NEDD9: variants seen among roughly 807,000 people sequenced by gnomAD.
NEDD9 encodes the protein neural precursor cell expressed, developmentally down-regulated 9, also known as enhancer of filamentation 1.
In NEDD9, 26 loss-of-function variants were observed where a neutral mutation model predicts 76.6. That is an observed-to-expected ratio of 0.34 (90% CI 0.25 to 0.47). NEDD9 has a LOEUF of 0.47. NEDD9 is among the 20% of genes least tolerant of loss of function. The pLI, the probability that NEDD9 is intolerant of heterozygous loss-of-function variation, is 1.00. For synonymous variants in NEDD9, 392 were observed against 414.2 expected (o/e 0.95, Z 0.65); for missense variants, 937 against 1,058.5 (o/e 0.89, Z 1.59).
intron 3 of NEDD9, among the ~76,000 whole-genome samples, chr6:11,300,875 A>T (rs1761029345): frequency 1.3e-5 from 2 of 152,366 alleles, no homozygotes; most frequent in Non-Finnish European, 2.9e-5. Context: ...AGCACTAAGC[A>T]TGGAAAGGAA....
At chr6:11,310,121 G>T (rs1761323491) in intron 2 of NEDD9, among the ~76,000 whole-genome samples, 1 of 152,288 alleles carries the variant, frequency 6.6e-6, no homozygotes, top group East Asian at 1.9e-4. Flanking sequence ...GAATTGCCCA[G>T]CTGGGACCAG....
In NEDD9 at chr6:11,333,160, G is replaced by A. The variant is rs531276237; in HGVS notation, c.-153+1341C>T. Among the ~76,000 whole-genome samples, 6 of 152,088 alleles carry A rather than the reference G, an allele frequency of 3.9e-5. No individual in the cohort carries two copies. In the South Asian group the frequency reaches 8.3e-4, roughly 21 times the overall value. On this transcript the variant is annotated intron_variant, in intron 2 of 3. Coordinates refer to the NEDD9 transcript ENST00000397378. ...TATTATTTAAATAGCATTTTTTTCC[G>A]AGGCTTTGTCTATCAGCACAAAGAA...
At chr6:11,307,712 A>C (rs1761230617) in intron 2 of NEDD9, among the ~76,000 whole-genome samples, 1 of 152,212 alleles carries the variant, frequency 6.6e-6, no homozygotes, top group Admixed American at 6.5e-5. Context: ...ACTGTATAAA[A>C]TAAATGTATA....
intron 2 of NEDD9, among the ~76,000 whole-genome samples, chr6:11,210,444 G>A (rs1179659490): frequency 6.6e-6 from 1 of 152,106 alleles, no homozygotes; most frequent in Non-Finnish European, 1.5e-5. Flanking sequence ...TCTTACAGAT[G>A]AAAAATTTAA....
rs967340204 is a variant in NEDD9, at chr6:11,318,492, T to C, written c.-152-12337A>G. 2.6e-5 allele frequency among the ~76,000 whole-genome samples: 4 copies of C among 152,132 alleles called. No individual in the cohort carries two copies. In the South Asian group the frequency reaches 8.3e-4, roughly 32 times the overall value. ...TGACGGCGTTGATGACTCACTCATG[T>C]TACATAATTAGAATTCACCTTCAGA... is the stretch of plus-strand genomic sequence containing the variant. On this transcript the variant is annotated intron_variant, in intron 2 of 3. Coordinates refer to the NEDD9 transcript ENST00000397378.
chr6:11,327,053 C>T (rs191145228), intron 2 of NEDD9, among the ~76,000 whole-genome samples: 17 of 152,250 alleles, frequency 1.1e-4, no homozygotes, highest in African/African-American at 1.9e-4. Flanking sequence ...CTTTTGAGAG[C>T]GACAGGGATT....
intron 2 of NEDD9, among the ~76,000 whole-genome samples, chr6:11,203,544 C>T (rs144540041): frequency 1.0e-3 from 152 of 152,288 alleles, no homozygotes; most frequent in Middle Eastern, 3.4e-3. Flanking sequence ...ACTCACAAGG[C>T]AGAACTCGGT....
intron 1 of NEDD9, among the ~76,000 whole-genome samples, chr6:11,335,815 T>C (rs1231473353): frequency 6.6e-6 from 1 of 152,210 alleles, no homozygotes; most frequent in Non-Finnish European, 1.5e-5. Flanking sequence ...AAATTCACAG[T>C]CCCAAACCAC....
At chr6:11,362,420 G>T (rs747633169) in intron 1 of NEDD9, among the ~76,000 whole-genome samples, 1 of 152,082 alleles carries the variant, frequency 6.6e-6, no homozygotes, top group Non-Finnish European at 1.5e-5. Context: ...TCTGCCTCTT[G>T]CTTTGCCTTT....
intron 1 of NEDD9, among the ~76,000 whole-genome samples, chr6:11,365,316 C>T (rs1227802776): frequency 2.6e-5 from 4 of 152,220 alleles, no homozygotes; most frequent in Admixed American, 1.3e-4. Context: ...TCCTGCTGAC[C>T]GCCTGCCTAT....
At chr6:11,366,425 G>GAAAGGAAGAAAGAAAGAAA (rs1762771747) in intron 1 of NEDD9, among the ~76,000 whole-genome samples, 1 of 150,624 alleles carries the variant, frequency 6.6e-6, no homozygotes, top group African/African-American at 2.4e-5. Flanking sequence ...AAAAGAAAAA[G>GAAAGGAAGAAAGAAAGAAA]AAAGGAAGAA....
intron 2 of NEDD9, among the ~76,000 whole-genome samples, chr6:11,312,194 C>T (rs927530018): frequency 6.6e-6 from 1 of 152,126 alleles, no homozygotes; most frequent in Non-Finnish European, 1.5e-5. Flanking sequence ...CCACCCTGTG[C>T]TCCACCTCTC....
intron 2 of NEDD9, among the ~76,000 whole-genome samples, chr6:11,197,196 C>G (rs1162577664): frequency 1.3e-5 from 2 of 151,622 alleles, no homozygotes; most frequent in Non-Finnish European, 2.9e-5. Flanking sequence ...CATTTTTAAA[C>G]TAATTTTCTC....
chr6:11,273,063 G>A (rs9461615), intron 3 of NEDD9, among the ~76,000 whole-genome samples: 59,444 of 151,670 alleles, frequency 0.39, 13,401 homozygotes, highest in African/African-American at 0.64. Flanking sequence ...TCCAGTCTTC[G>A]TGATTAACAG....
intron 1 of NEDD9, among the ~76,000 whole-genome samples, chr6:11,353,501 C>G (rs1307644313): frequency 6.6e-6 from 1 of 152,152 alleles, no homozygotes; most frequent in Non-Finnish European, 1.5e-5. Context: ...AAGGATCCTC[C>G]CCTTGAAGGT....
At chr6:11,270,918 T>C (rs1379210524) in intron 3 of NEDD9, among the ~76,000 whole-genome samples, 1 of 152,164 alleles carries the variant, frequency 6.6e-6, no homozygotes, top group African/African-American at 2.4e-5. Flanking sequence ...GTTAGATGAC[T>C]GGAGAAGGGA....
rs116374348 is a variant in NEDD9, at chr6:11,241,245, C to T, written c.13-27518G>A. Among the ~76,000 whole-genome samples the T allele has an allele frequency of 8.9e-3, 1,349 of 152,270 alleles. 19 individuals are homozygous for T. Among genetic ancestry groups the T allele is most frequent in the African/African-American group, 0.031 (1,279 of 41,528 alleles). ...CCTATTAAATGAAGGGGAGCAAAGG[C>T]ATCAGGTCTTCTTCTTGCTAACCTT... On this transcript the variant is annotated intron_variant, in intron 3 of 3. Transcript: ENST00000397378. This position sits in a 1 kb window ranked among gnomAD's most constrained non-coding sequence, Gnocchi z 4.0.
intron 3 of NEDD9, among the ~76,000 whole-genome samples, chr6:11,290,409 G>T (rs963823595): frequency 2.0e-5 from 3 of 152,052 alleles, no homozygotes; most frequent in African/African-American, 7.2e-5. Flanking sequence ...AGCATTATGG[G>T]GTATTCTGTT....
intron 2 of NEDD9, among the ~76,000 whole-genome samples, chr6:11,205,560 T>C (rs1413775392): frequency 6.6e-6 from 1 of 152,130 alleles, no homozygotes; most frequent in Non-Finnish European, 1.5e-5. Context: ...AAAAAACTGA[T>C]ATACTGTAGG....
Sources: gnomAD v4.1 joint callset for allele counts (sites outside exome capture counted in the v4.1 genomes callset) on GRCh38, gnomAD v4.1.1 for gene constraint, Gnocchi (gnomAD v3.1) non-coding constraint, MANE v1.5 for transcripts, NCBI Gene and HGNC (gene_info 2026-07-23, HGNC 2026-07-21) for gene names.